The following DNAH11 variants were observed in gnomAD, a reference collection of about 807,000 sequenced individuals.
The protein encoded by DNAH11 is dynein axonemal heavy chain 11, also known as axonemal beta dynein heavy chain 11.
In DNAH11, 442 loss-of-function variants were observed where a neutral mutation model predicts 526.0. That is an observed-to-expected ratio of 0.84 (90% CI 0.78 to 0.91). DNAH11 has a LOEUF of 0.91. Ranked by LOEUF, DNAH11 falls within the 40% of genes least tolerant of loss-of-function variation. The pLI, the probability that DNAH11 is intolerant of heterozygous loss-of-function variation, is 0.00. For synonymous variants in DNAH11, 2,461 were observed against 1,935.9 expected, an observed-to-expected ratio of 1.27 and a Z score of -7.12; for missense variants, 6,989 against 5,448.7, an observed-to-expected ratio of 1.28 and a Z score of -8.90.
intron 2 of DNAH11, among the ~76,000 whole-genome samples, chr7:21,554,522 G>A (rs753286155): frequency 6.6e-6 from 1 of 151,998 alleles, no homozygotes; most frequent in Non-Finnish European, 1.5e-5. Context: ...GGAAATTTTT[G>A]TTCAGCTGGC....
chr7:21,645,441 T>C (rs775998549), intron 28 of DNAH11, among the ~76,000 whole-genome samples: 2 of 152,224 alleles, frequency 1.3e-5, no homozygotes, highest in Non-Finnish European at 2.9e-5. Context: ...AGCAGCAGTT[T>C]GGTGCTGCTT....
At chr7:21,770,467 G>C (rs1244497773) in intron 55 of DNAH11, among the ~76,000 whole-genome samples, 1 of 152,144 alleles carries the variant, frequency 6.6e-6, no homozygotes, top group Non-Finnish European at 1.5e-5. Flanking sequence ...GAGCATTTCA[G>C]ATTTTCAATT....
chr7:21,768,843 G>A (rs1034178082), intron 55 of DNAH11, among the ~76,000 whole-genome samples: 1 of 152,126 alleles, frequency 6.6e-6, no homozygotes, highest in African/African-American at 2.4e-5. Context: ...AAGGGTATAA[G>A]ACAACATTTT....
At chr7:21,619,918 TA>T in intron 24 of DNAH11, 37 bp from the exon 25 acceptor site, 1 of 1,531,390 alleles carries the variant, frequency 6.5e-7, no homozygotes, top group Non-Finnish European at 8.8e-7. Context: ...GATTATCAAT[TA>T]AATTTTGTGC....
At position 21,655,951 on chromosome 7, in the gene DNAH11, A is replaced by G. The variant is rs750047719; in HGVS notation, c.5064A>G (p.Pro1688=). 3 of 1,608,804 alleles carry G rather than the reference A, an allele frequency of 1.9e-6. No individual in the cohort carries two copies. The highest frequency in any genetic ancestry group is 2.5e-6 in the Non-Finnish European group (3 of 1,177,214). ...GMYSKEKEYV[P]FQAECECVGH... is the part of the protein sequence containing the mutation. ...ACAGCAAAGAAAAGGAGTATGTCCC[A>G]TTCCAAGCCGAGTGTGAATGTGTGG... Residue 1688 remains proline (P), a synonymous_variant, in exon 29 of 82, where the codon CCA becomes CCG. Transcript: ENST00000409508.
At chr7:21,897,641 ATT>A (rs926653114) in intron 79 of DNAH11, among the ~76,000 whole-genome samples, 1 of 151,416 alleles carries the variant, frequency 6.6e-6, no homozygotes, top group African/African-American at 2.4e-5. Flanking sequence ...TTTTTGAGAG[ATT>A]CTCATTCTGT....
chr7:21,796,781 A>G (rs1283566596), intron 61 of DNAH11, among the ~76,000 whole-genome samples: 1 of 152,238 alleles, frequency 6.6e-6, no homozygotes, highest in Non-Finnish European at 1.5e-5. Context: ...CCTCACCTAT[A>G]AAATGAAAAA....
chr7:21,856,669 G>C (rs957173049), intron 68 of DNAH11, among the ~76,000 whole-genome samples: 90 of 151,988 alleles, frequency 5.9e-4, no homozygotes, highest in African/African-American at 2.0e-3. Flanking sequence ...AATCAAATTG[G>C]TTTAACATTC....
intron 62 of DNAH11, among the ~76,000 whole-genome samples, chr7:21,802,696 G>A (rs1226846441): frequency 6.6e-6 from 1 of 151,924 alleles, no homozygotes; most frequent in East Asian, 1.9e-4. Flanking sequence ...CTAAAAGAAA[G>A]AAGCCAGACA....
At chr7:21,611,908 T>G (rs1465226044) in intron 20 of DNAH11, among the ~76,000 whole-genome samples, 1 of 152,224 alleles carries the variant, frequency 6.6e-6, no homozygotes, top group Non-Finnish European at 1.5e-5. Context: ...TCTAGTTATT[T>G]ATAGTGAATA....
chr7:21,638,306 T>C (rs568374346), intron 27 of DNAH11, among the ~76,000 whole-genome samples: 2 of 152,290 alleles, frequency 1.3e-5, no homozygotes, highest in African/African-American at 4.8e-5. Context: ...TTATATTACA[T>C]AAACAGAGCA....
intron 30 of DNAH11, among the ~76,000 whole-genome samples, chr7:21,667,113 G>C (rs1047699749): frequency 6.6e-6 from 1 of 152,066 alleles, no homozygotes; most frequent in Non-Finnish European, 1.5e-5. Context: ...AAAAAATGTG[G>C]AGTTTATGGT....
chr7:21,859,708 A>C (rs1034133026), intron 68 of DNAH11, among the ~76,000 whole-genome samples: 2 of 152,014 alleles, frequency 1.3e-5, no homozygotes, highest in African/African-American at 4.8e-5. Flanking sequence ...ATTGATGGCT[A>C]TTTATATATA....
intron 14 of DNAH11, among the ~76,000 whole-genome samples, chr7:21,593,990 C>T (rs767780579): frequency 6.6e-6 from 1 of 151,222 alleles, no homozygotes; most frequent in Non-Finnish European, 1.5e-5. Flanking sequence ...CACACACAGT[C>T]TCTTCCTCTC....
intron 62 of DNAH11, among the ~76,000 whole-genome samples, chr7:21,803,938 C>T (rs529622823): frequency 1.8e-4 from 28 of 152,236 alleles, no homozygotes; most frequent in African/African-American, 6.5e-4. Context: ...ATGGGGCTGT[C>T]ATCATTGGCT....
rs753502458 is a variant in DNAH11 at position 21,854,376 on chromosome 7, T to C, written c.11123T>C (p.Val3708Ala). ...INEARECYRP[V>A]AARASLLYFV... ...GAGGCCCGAGAATGTTACAGACCAG[T>C]GGCAGCAAGAGCATCTCTTCTTTAT... Residue 3708 changes from valine to alanine, a missense_variant, in exon 68 of 82, where the codon GTG (valine) becomes GCG (alanine). Physicochemically the swap from Val to Ala is moderately conservative, Grantham distance 64. Transcript: ENST00000409508. 1.2e-6 allele frequency: 2 copies of C among 1,613,816 alleles called. No individual in the cohort carries two copies. Among genetic ancestry groups the C allele is most frequent in the South Asian group, 2.2e-5 (2 of 91,052 alleles).
chr7:21,680,802 C>A (rs1032717458), intron 30 of DNAH11, among the ~76,000 whole-genome samples: 2 of 152,172 alleles, frequency 1.3e-5, no homozygotes, highest in African/African-American at 4.8e-5. Context: ...TCATCACTAT[C>A]TTGTATTTTT....
At chr7:21,715,562 T>C (rs1367602379) in intron 42 of DNAH11, among the ~76,000 whole-genome samples, 1 of 152,140 alleles carries the variant, frequency 6.6e-6, no homozygotes, top group Non-Finnish European at 1.5e-5. Context: ...GTATGTAATA[T>C]AATAGTAGTC....
chr7:21,892,735 C>T (rs1784370644), intron 77 of DNAH11, 68 bp downstream of exon 77: 1 of 1,464,500 alleles, frequency 6.8e-7, no homozygotes, highest in Non-Finnish European at 9.1e-7. Context: ...GTCTACTAAT[C>T]TTAATTGTGC....
Sources: allele counts gnomAD v4.1 joint callset (sites outside exome capture counted in the v4.1 genomes callset), GRCh38; gene constraint gnomAD v4.1.1; transcripts MANE v1.5; gene names NCBI Gene and HGNC (gene_info 2026-07-23, HGNC 2026-07-21).